PRDM16: variants seen among roughly 807,000 people sequenced by gnomAD.
PRDM16 encodes the protein histone-lysine N-methyltransferase PRDM16.
PRDM16 carries 23 observed loss-of-function variants against 110.6 expected under a neutral mutation model. The ratio of observed to expected loss-of-function variants is 0.21; its 90% CI spans 0.15 to 0.29. The LOEUF (loss-of-function observed/expected upper bound fraction) is 0.29. Among genes scored for constraint, PRDM16 ranks in the 10% least tolerant of loss-of-function variants. PRDM16 has a pLI of 1.00. For synonymous variants in PRDM16, 799 were observed against 781.8 expected (o/e 1.02, Z -0.37); for missense variants, 1,615 against 1,794.3 (o/e 0.90, Z 1.81).
rs761266288 is a variant in PRDM16 at position 3,411,913 on chromosome 1, T to C, written c.1716T>C (p.Ala572=). The stretch of plus-strand genomic sequence containing the variant: ...ACAGCAGCCAGGGCACGACGGCAGC[T>C]GCGGGGCCCGAGGAGAAGTTCGAGA... ...VSNSSQGTTA[A]AGPEEKFESR... Residue 572 remains alanine (A), a synonymous_variant, in exon 9 of 17, where the codon GCT becomes GCC. Transcript: ENST00000270722. 1.1e-5 allele frequency: 17 copies of C among 1,613,534 alleles called. No individual in the cohort carries two copies. Among genetic ancestry groups the C allele is most frequent in the Non-Finnish European group, 1.4e-5 (16 of 1,179,882 alleles).
At chr1:3,312,945 C>T (rs1641499425) in intron 3 of PRDM16, among the ~76,000 whole-genome samples, 1 of 152,224 alleles carries the variant, frequency 6.6e-6, no homozygotes, top group African/African-American at 2.4e-5. Context: ...GGGCGTGCGT[C>T]TTCCAAAAGG....
intron 14 of PRDM16, among the ~76,000 whole-genome samples, chr1:3,427,401 T>C (rs1242359699): frequency 6.6e-6 from 1 of 152,090 alleles, no homozygotes; most frequent in African/African-American, 2.4e-5. Flanking sequence ...TAGAGCCAGA[T>C]CCCAAGCTTT....
At chr1:3,313,634 AC>A (rs572665363) in intron 3 of PRDM16, among the ~76,000 whole-genome samples, 119 of 152,170 alleles carry the variant, frequency 7.8e-4, no homozygotes, top group African/African-American at 2.6e-3. Flanking sequence ...GGCCGTGCGG[AC>A]CCCGCTCCAC....
intron 3 of PRDM16, chr1:3,307,801 C>T (rs560921369): frequency 6.6e-6 from 1 of 152,322 alleles, no homozygotes; most frequent in African/African-American, 2.4e-5. Flanking sequence ...ATCTGAGCCT[C>T]GCTTCCCAGC....
At chr1:3,299,198 C>T (rs1164963764) in intron 3 of PRDM16, among the ~76,000 whole-genome samples, 2 of 150,308 alleles carry the variant, frequency 1.3e-5, no homozygotes, top group African/African-American at 2.5e-5. Flanking sequence ...AGATCCCAGT[C>T]GTGGTGGCTC....
intron 8 of PRDM16, among the ~76,000 whole-genome samples, chr1:3,411,128 C>T (rs994152322): frequency 3.3e-5 from 5 of 152,284 alleles, no homozygotes; most frequent in African/African-American, 7.2e-5. Context: ...AATACACACA[C>T]GCCTGCCCAG....
intron 3 of PRDM16, among the ~76,000 whole-genome samples, chr1:3,266,965 A>G (rs1227863443): frequency 1.3e-5 from 2 of 152,210 alleles, no homozygotes; most frequent in Non-Finnish European, 2.9e-5. Flanking sequence ...GGTGTGAGCC[A>G]CCGCGCCCGG....
At chr1:3,422,588 C>T (rs1638470562) in intron 12 of PRDM16, among the ~76,000 whole-genome samples, 2 of 152,244 alleles carry the variant, frequency 1.3e-5, no homozygotes, top group South Asian at 4.1e-4. Context: ...GGCCAGGCAC[C>T]ACCATTCCAG....
In PRDM16 at chr1:3,432,037, T is replaced by G; in HGVS notation, c.3593T>G (p.Leu1198Arg). Residue 1198 changes from leucine (L) to arginine (R), a missense_variant, in exon 16 of 17, where the codon CTC becomes CGC. This residue lies in a region of PRDM16 where 327 missense variants were observed against 359.3 expected (regional missense o/e 0.91). Coordinates refer to ENST00000270722, the MANE Select transcript of PRDM16 (RefSeq NM_022114.4). Reference sequence around the variant, plus strand: ...CCGACTTTTGGGAAGGGGCTGGACCTCCGCAGAGCAGCTGAGGAAGCATTT... The same window carrying G: ...CCGACTTTTGGGAAGGGGCTGGACCGCCGCAGAGCAGCTGAGGAAGCATTT... ...PMPTFGKGLD[L>R]RRAAEEAFEV... 1 of 1,614,156 alleles carries G rather than the reference T, an allele frequency of 6.2e-7. No homozygotes were observed.
intron 3 of PRDM16, among the ~76,000 whole-genome samples, chr1:3,337,935 CAT>C (rs1158627842): frequency 6.6e-6 from 1 of 152,184 alleles, no homozygotes; most frequent in Non-Finnish European, 1.5e-5. Flanking sequence ...CACACAGACA[CAT>C]GTACACACAT....
chr1:3,395,588 T>A (rs1643373364), intron 4 of PRDM16, among the ~76,000 whole-genome samples: 1 of 152,162 alleles, frequency 6.6e-6, no homozygotes, highest in African/African-American at 2.4e-5. Context: ...GAAACACACC[T>A]GCCGCCAGAC....
At chr1:3,073,269 C>T (rs370611257) in intron 1 of PRDM16, among the ~76,000 whole-genome samples, 1 of 152,200 alleles carries the variant, frequency 6.6e-6, no homozygotes. Flanking sequence ...CTCGCTGGGC[C>T]GCTGTGGGCC....
chr1:3,297,738 C>T (rs1023337319), intron 3 of PRDM16, among the ~76,000 whole-genome samples: 2 of 152,044 alleles, frequency 1.3e-5, no homozygotes, highest in Non-Finnish European at 2.9e-5. Flanking sequence ...CAGTCTGGAG[C>T]GGCAGGAAAC....
At chr1:3,195,102 A>G (rs566624891) in intron 2 of PRDM16, among the ~76,000 whole-genome samples, 1 of 152,318 alleles carries the variant, frequency 6.6e-6, no homozygotes, top group East Asian at 1.9e-4. Flanking sequence ...CGAGGCACAC[A>G]GCGTCGGGAT....
intron 1 of PRDM16, among the ~76,000 whole-genome samples, chr1:3,084,365 G>A (rs181672366): frequency 6.6e-6 from 1 of 152,172 alleles, no homozygotes; most frequent in Non-Finnish European, 1.5e-5. Context: ...GAAGATTCCA[G>A]GGAACACAGT....
chr1:3,106,612 G>A (rs1341028512), intron 1 of PRDM16, among the ~76,000 whole-genome samples: 1 of 152,154 alleles, frequency 6.6e-6, no homozygotes, highest in Non-Finnish European at 1.5e-5. Context: ...GGGTGGCAGA[G>A]CTGGCAGGAA....
At position 3,434,896 on chromosome 1, in the gene PRDM16, C is replaced by T. The variant is rs367573785; in HGVS notation, c.*1085C>T. 60 of 231,768 alleles carry T rather than the reference C, an allele frequency of 2.6e-4. No homozygotes were observed. The highest frequency in any genetic ancestry group is 9.1e-4 in the South Asian group (5 of 5,514). 14.4% of individuals were successfully genotyped at this position (231,768 alleles called of 1,614,324 possible). ...ACCTCCCACCTGACCCCAGCGGCTC[C>T]GGTGTCCTCCACGTGGCTGCCCTGG... On this transcript the variant is annotated 3_prime_UTR_variant, in exon 17 of 17. Coordinates refer to ENST00000270722, the MANE Select transcript of PRDM16 (RefSeq NM_022114.4).
At position 3,290,418 on chromosome 1, in the gene PRDM16, A is replaced by G. The variant is rs1392784433; in HGVS notation, c.438+46281A>G. On this transcript the variant is annotated intron_variant, in intron 3 of 16. Coordinates refer to ENST00000270722, the MANE Select transcript of PRDM16 (RefSeq NM_022114.4). This position sits in a 1 kb window ranked among gnomAD's most constrained non-coding sequence, Gnocchi z 4.8. ...GAGGGGGAAATTTGCCGGTTCCCCA[A>G]AGAGCCTGCTGCCTCCACCTGCTGT... 1.3e-5 allele frequency among the ~76,000 whole-genome samples: 2 copies of G among 152,172 alleles called. No homozygotes were observed. Among genetic ancestry groups the G allele is most frequent in the African/African-American group, 4.8e-5 (2 of 41,440 alleles).
intron 3 of PRDM16, among the ~76,000 whole-genome samples, chr1:3,257,002 T>C (rs1268462629): frequency 1.3e-5 from 2 of 152,236 alleles, no homozygotes; most frequent in African/African-American, 2.4e-5. Flanking sequence ...ATATGCCTTA[T>C]TGCTGAGATA....
Sources: gnomAD v4.1 joint callset for allele counts (sites outside exome capture counted in the v4.1 genomes callset) on GRCh38, gnomAD v4.1.1 for gene constraint, gnomAD v4.1.1 regional missense constraint, Gnocchi (gnomAD v3.1) non-coding constraint, MANE v1.5 for transcripts, NCBI Gene and HGNC (gene_info 2026-07-23, HGNC 2026-07-21) for gene names.